Variants in FRY observed in about 807,000 individuals in gnomAD.
FRY encodes protein furry homolog.
Under a neutral mutation model 348.4 loss-of-function variants are expected in FRY, and 128 were observed. The ratio of observed to expected loss-of-function variants is 0.37; its 90% CI spans 0.32 to 0.43. FRY has a LOEUF of 0.43. FRY is among the 20% of genes least tolerant of loss of function. The pLI, the probability that FRY is intolerant of heterozygous loss-of-function variation, is 1.00. For missense variants in FRY, 2,736 were observed against 3,695.2 expected (o/e 0.74, Z 6.73); for synonymous variants, 1,370 against 1,374.7 (o/e 1.00, Z 0.08).
intron 51 of FRY, among the ~76,000 whole-genome samples, chr13:32,256,121 G>T (rs1887323108): frequency 6.6e-6 from 1 of 152,112 alleles, no homozygotes; most frequent in African/African-American, 2.4e-5. Flanking sequence ...TTATACTAAT[G>T]TTTTTCAGGG....
intron 48 of FRY, 145 bp from the exon 49 acceptor site, chr13:32,249,381 G>A: frequency 1.2e-6 from 1 of 811,200 alleles, no homozygotes; most frequent in Non-Finnish European, 2.0e-6. Context: ...CTTGCATGTT[G>A]AGAAAATGAG....
rs575792216 is a variant in FRY, at chr13:32,208,812, A to G, written c.4019-41A>G. On this transcript the variant is annotated intron_variant, in intron 31 of 60. Coordinates refer to ENST00000542859, the MANE Select transcript of FRY (RefSeq NM_023037.3). ...TTGAATTTCCATTTATTTTGGTGGAATAAGGTATGGATGACTCTCTGTCAC... is the reference window on the plus strand; with the variant it reads ...TTGAATTTCCATTTATTTTGGTGGAGTAAGGTATGGATGACTCTCTGTCAC... 6.8e-6 allele frequency: 11 copies of G among 1,612,510 alleles called. No individual in the cohort carries two copies. The African/African-American group carries it at 9.3e-5, about 14-fold the overall frequency.
At position 32,112,722 on chromosome 13, in the gene FRY, G is replaced by A. The variant is rs79252746; in HGVS notation, c.325-4612G>A. Among the ~76,000 whole-genome samples the A allele has an allele frequency of 4.9e-3, 744 of 152,156 alleles. 3 individuals carry two copies. Among genetic ancestry groups the A allele is most frequent in the African/African-American group, 0.017 (690 of 41,510 alleles). On this transcript the variant is annotated intron_variant, in intron 3 of 60. Transcript: ENST00000542859. ...TTGTGTACTTGTGTACTTATGTACC[G>A]TTTACTTTATTTCTTAATATGTTAA...
At chr13:32,271,839 A>G (rs929757381) in intron 55 of FRY, among the ~76,000 whole-genome samples, 1 of 152,206 alleles carries the variant, frequency 6.6e-6, no homozygotes, top group Admixed American at 6.5e-5. Context: ...CTGTCCAGAG[A>G]GCAAAGTGGT....
intron 4 of FRY, among the ~76,000 whole-genome samples, chr13:32,120,765 G>A (rs1361127869): frequency 6.6e-6 from 1 of 152,308 alleles, no homozygotes; most frequent in South Asian, 2.1e-4. Flanking sequence ...AGGTTCAAGT[G>A]ATTCTCCTGC....
At chr13:32,118,244 AT>A (rs1420302666) in intron 4 of FRY, among the ~76,000 whole-genome samples, 1 of 152,232 alleles carries the variant, frequency 6.6e-6, no homozygotes, top group Non-Finnish European at 1.5e-5. Context: ...TTTAAAAAAA[AT>A]AAAAGATTAT....
At chr13:32,094,290 G>A (rs1399713741) in intron 2 of FRY, among the ~76,000 whole-genome samples, 4 of 152,140 alleles carry the variant, frequency 2.6e-5, no homozygotes, top group Non-Finnish European at 5.9e-5. Flanking sequence ...ATATAGGCAT[G>A]CAATGCATAA....
intron 28 of FRY, among the ~76,000 whole-genome samples, chr13:32,189,015 T>C (rs559240910): frequency 9.2e-5 from 14 of 152,266 alleles, no homozygotes; most frequent in African/African-American, 3.4e-4. Flanking sequence ...GTGAATTTTT[T>C]CCTCACAAAT....
chr13:32,244,232 G>A, intron 47 of FRY, 50 bp downstream of exon 47: 3 of 1,558,624 alleles, frequency 1.9e-6, no homozygotes, highest in South Asian at 1.1e-5. Flanking sequence ...TAAAAAGATG[G>A]AGGCTTTTCC....
At position 32,176,757 on chromosome 13, in the gene FRY, C is replaced by T. The variant is rs146121775; in HGVS notation, c.2421+1125C>T. On this transcript the variant is annotated intron_variant, in intron 20 of 60. Transcript: ENST00000542859. ...AACCTGGGTAACCAGCTCAGCAATA[C>T]TGCAGTTAGGAAGATATACAGAAAC... Among the ~76,000 whole-genome samples, 420 of 152,324 alleles carry T rather than the reference C, an allele frequency of 2.8e-3. 1 individual carries two copies. Among genetic ancestry groups the T allele is most frequent in the Non-Finnish European group, 4.9e-3 (332 of 68,030 alleles).
intron 44 of FRY, 128 bp downstream of exon 44, chr13:32,238,114 T>C: frequency 1.0e-6 from 1 of 979,150 alleles, no homozygotes; most frequent in Non-Finnish European, 1.6e-6. Flanking sequence ...GGGAGTAGTT[T>C]ATTTTTTCTC....
At chr13:32,065,054 AT>A (rs1299422176) in intron 1 of FRY, among the ~76,000 whole-genome samples, 1 of 152,186 alleles carries the variant, frequency 6.6e-6, no homozygotes, top group African/African-American at 2.4e-5. Flanking sequence ...ATGGTGTTCA[AT>A]TCTTTAATAT....
At chr13:32,072,398 G>A (rs74437213) in intron 1 of FRY, among the ~76,000 whole-genome samples, 3,243 of 151,908 alleles carry the variant, frequency 0.021, 56 homozygotes, top group Non-Finnish European at 0.029. Flanking sequence ...CTATCACTTC[G>A]TTAAGCAATC....
In FRY at chr13:32,224,371, G is replaced by A. The variant is rs199764183; in HGVS notation, c.4902G>A (p.Arg1634=). ...ATCTCCCGGAGACCATCACTCCCCG[G>A]GGGCCACTCCACAGGTGAGCAGCAT... ...VDYLPETITP[R]GPLHRCNIAV... is the part of the protein sequence containing the mutation. The change falls in exon 37 of 61, where the codon CGG becomes CGA. Residue 1634 remains arginine (R), a synonymous_variant. Transcript: ENST00000542859. 2.5e-5 allele frequency: 40 copies of A among 1,613,912 alleles called. No homozygotes were observed. Among genetic ancestry groups the A allele is most frequent in the Admixed American group, 5.0e-5 (3 of 59,982 alleles).
At chr13:32,274,575 G>C (rs952782044) in intron 55 of FRY, among the ~76,000 whole-genome samples, 1 of 151,436 alleles carries the variant, frequency 6.6e-6, no homozygotes, top group East Asian at 1.9e-4. Flanking sequence ...GTGGTGGCAG[G>C]CACCTGTAGT....
chr13:32,142,571 CA>C (rs1880141584), intron 11 of FRY, among the ~76,000 whole-genome samples: 1 of 151,648 alleles, frequency 6.6e-6, no homozygotes, highest in Non-Finnish European at 1.5e-5. Flanking sequence ...TAAAATCCTT[CA>C]ATTGACATCT....
At chr13:32,162,549 C>G (rs1482099137) in intron 17 of FRY, among the ~76,000 whole-genome samples, 2 of 152,136 alleles carry the variant, frequency 1.3e-5, no homozygotes, top group African/African-American at 4.8e-5. Flanking sequence ...TTAGAAACTA[C>G]TGCCCTTTCC....
chr13:32,143,620 A>G (rs1376077704), intron 11 of FRY, among the ~76,000 whole-genome samples: 3 of 152,226 alleles, frequency 2.0e-5, no homozygotes, highest in Non-Finnish European at 4.4e-5. Context: ...ATCATGATAC[A>G]CAATGAGAGA....
Position 32,185,158 on chromosome 13 carries a change from TC to T in FRY, c.3319+12del. 16 of 1,612,336 alleles carry T rather than the reference TC, an allele frequency of 9.9e-6. No individual in the cohort carries two copies. The highest frequency in any genetic ancestry group is 1.4e-5 in the Non-Finnish European group (16 of 1,178,450). Reference sequence around the variant, plus strand: ...ATTCAGTGTGTTCCAGGTACGGTGATCCGTTACAAGAAATTACCATTCATGC... The same window carrying T: ...ATTCAGTGTGTTCCAGGTACGGTGATCGTTACAAGAAATTACCATTCATGC... On this transcript the variant is annotated intron_variant, in intron 26 of 60. Transcript: ENST00000542859.
Sources: allele counts gnomAD v4.1 joint callset (sites outside exome capture counted in the v4.1 genomes callset), GRCh38; gene constraint gnomAD v4.1.1; transcripts MANE v1.5; gene names NCBI Gene and HGNC (gene_info 2026-07-23, HGNC 2026-07-21).